The following STK3 variants were observed in gnomAD, a reference collection of about 807,000 sequenced individuals.
The protein encoded by STK3 is serine/threonine-protein kinase 3.
STK3 carries 41 observed loss-of-function variants against 58.0 expected under a neutral mutation model. The ratio of observed to expected loss-of-function variants is 0.71; its 90% CI spans 0.55 to 0.92. STK3 has a LOEUF of 0.92. Ranked by LOEUF, STK3 falls within the 40% of genes least tolerant of loss-of-function variation. STK3 has a pLI of 0.00. For missense variants in STK3, 479 were observed against 602.7 expected, an observed-to-expected ratio of 0.79 and a Z score of 2.15; for synonymous variants, 170 against 191.0, an observed-to-expected ratio of 0.89 and a Z score of 0.91.
At chr8:98,490,305 C>CT (rs1347676353) in intron 10 of STK3, among the ~76,000 whole-genome samples, 2 of 152,110 alleles carry the variant, frequency 1.3e-5, no homozygotes, top group African/African-American at 4.8e-5. Context: ...CTTGGGTTTT[C>CT]TAGTTAGATA....
At chr8:98,680,225 G>C (rs1316161670) in intron 6 of STK3, among the ~76,000 whole-genome samples, 1 of 152,052 alleles carries the variant, frequency 6.6e-6, no homozygotes, top group Non-Finnish European at 1.5e-5. Context: ...AGAGGGAAAG[G>C]CAATTAGATA....
chr8:98,439,177 T>C (rs1287249099), intron 1 of STK3: 1 of 152,228 alleles, frequency 6.6e-6, no homozygotes, highest in African/African-American at 2.4e-5. Context: ...GGAAGCTCCA[T>C]GGATACAGGG....
At chr8:98,795,796 AAATACAATAC>A (rs58299814) in intron 1 of STK3, among the ~76,000 whole-genome samples, 11,929 of 137,836 alleles carry the variant, frequency 0.087, 616 homozygotes, top group African/African-American at 0.13. Flanking sequence ...AATGGCCACA[AAATACAATAC>A]AATACAATAC....
intron 3 of STK3, 108 bp from the exon 4 acceptor site, chr8:98,749,498 A>T: frequency 2.0e-6 from 1 of 502,904 alleles, no homozygotes; most frequent in Non-Finnish European, 3.5e-6. Flanking sequence ...CAATAAGTTA[A>T]ATAAGTAAAT....
the STK3 span, among the ~76,000 whole-genome samples, chr8:98,365,086 C>T: frequency 6.6e-6 from 1 of 152,202 alleles, no homozygotes; most frequent in African/African-American, 2.4e-5. Flanking sequence ...GCCTACACCA[C>T]TGTGAATAGT....
intron 3 of STK3, among the ~76,000 whole-genome samples, chr8:98,751,947 T>A (rs2096429873): frequency 6.6e-6 from 1 of 151,446 alleles, no homozygotes; most frequent in African/African-American, 2.4e-5. Context: ...CTCAAAAAAA[T>A]AATAATAAAA....
At chr8:98,569,402 G>C (rs1020810533) in intron 8 of STK3, among the ~76,000 whole-genome samples, 4 of 151,878 alleles carry the variant, frequency 2.6e-5, no homozygotes, top group Admixed American at 1.3e-4. Context: ...GGAAGTCTTA[G>C]GATGACAGCT....
At chr8:98,667,541 AC>A (rs1293102277) in intron 6 of STK3, among the ~76,000 whole-genome samples, 2 of 152,150 alleles carry the variant, frequency 1.3e-5, no homozygotes, top group East Asian at 3.8e-4. Context: ...ACAAATTTTG[AC>A]TGATTGGCAA....
intron 1 of STK3, among the ~76,000 whole-genome samples, chr8:98,386,894 G>A (rs1179966747): frequency 6.6e-6 from 1 of 152,192 alleles, no homozygotes; most frequent in Non-Finnish European, 1.5e-5. Context: ...GGAGGTGGAG[G>A]TTACTGTGAG....
intron 3 of STK3, among the ~76,000 whole-genome samples, chr8:98,414,614 T>C (rs183837310): frequency 1.3e-5 from 2 of 152,314 alleles, no homozygotes; most frequent in African/African-American, 4.8e-5. Context: ...TGGGGACCTT[T>C]TGTGACATAA....
intron 1 of STK3, among the ~76,000 whole-genome samples, chr8:98,912,945 G>T (rs1839208496): frequency 6.6e-6 from 1 of 152,028 alleles, no homozygotes. Context: ...GTCTCACTCT[G>T]TCCCCCAGGC....
chr8:98,598,541 A>T, intron 6 of STK3: 1 of 985,376 alleles, frequency 1.0e-6, no homozygotes, highest in Non-Finnish European at 1.2e-6. Flanking sequence ...GCCTTACTGT[A>T]CTAATTTAAC....
chr8:98,471,001 C>G (rs1820876893), intron 10 of STK3, among the ~76,000 whole-genome samples: 1 of 152,122 alleles, frequency 6.6e-6, no homozygotes, highest in Admixed American at 6.5e-5. Context: ...GTACCAAAGC[C>G]TTCTGAATAG....
chr8:98,824,295 T>C (rs1835105610), intron 1 of STK3, among the ~76,000 whole-genome samples: 1 of 152,144 alleles, frequency 6.6e-6, no homozygotes, highest in Admixed American at 6.5e-5. Context: ...CTCCTCCAGG[T>C]TCTCTAATGT....
intron 1 of STK3, among the ~76,000 whole-genome samples, chr8:98,907,550 T>C (rs1368184661): frequency 1.3e-5 from 2 of 152,096 alleles, no homozygotes; most frequent in African/African-American, 4.8e-5. Context: ...CCTCAACAAC[T>C]ATCAACTCAT....
chr8:98,736,335 G>C (rs905827638), intron 4 of STK3, among the ~76,000 whole-genome samples: 8 of 152,118 alleles, frequency 5.3e-5, no homozygotes. Context: ...GAAGTGCAGA[G>C]GATGAGGCAA....
At chr8:98,426,228 C>G (rs1299702924) in intron 3 of STK3, among the ~76,000 whole-genome samples, 3 of 152,206 alleles carry the variant, frequency 2.0e-5, no homozygotes, top group Admixed American at 2.0e-4. Context: ...GTACACAGCA[C>G]ATGTACACAC....
At chr8:98,488,677 T>A (rs1400701801) in intron 10 of STK3, among the ~76,000 whole-genome samples, 2 of 152,132 alleles carry the variant, frequency 1.3e-5, no homozygotes, top group Admixed American at 6.6e-5. Flanking sequence ...TAAAGGTAGA[T>A]ACGTAGCTGC....
At chr8:98,589,912 C>T (rs1480529252) in intron 7 of STK3, among the ~76,000 whole-genome samples, 1 of 152,234 alleles carries the variant, frequency 6.6e-6, no homozygotes, top group African/African-American at 2.4e-5. Context: ...AACCCCCTGA[C>T]CCCTTGCACT....
Sources: gnomAD v4.1 joint callset for allele counts (sites outside exome capture counted in the v4.1 genomes callset) on GRCh38, gnomAD v4.1.1 for gene constraint, MANE v1.5 for transcripts, NCBI Gene and HGNC (gene_info 2026-07-23, HGNC 2026-07-21) for gene names.